Variants in FCHSD2 observed in about 807,000 individuals in gnomAD.
FCHSD2 encodes F-BAR and double SH3 domains protein 2.
Under a neutral mutation model 108.1 loss-of-function variants are expected in FCHSD2, and 38 were observed. That is an observed-to-expected ratio of 0.35 (90% CI 0.27 to 0.46). The LOEUF is 0.46. FCHSD2 is among the 20% of genes least tolerant of loss of function. The pLI is 1.00. For missense variants in FCHSD2, 751 were observed against 897.8 expected (o/e 0.84, Z 2.09); for synonymous variants, 279 against 314.7 (o/e 0.89, Z 1.20).
intron 9 of FCHSD2, among the ~76,000 whole-genome samples, chr11:72,903,392 T>A (rs913520630): frequency 3.3e-5 from 5 of 152,174 alleles, no homozygotes; most frequent in African/African-American, 9.6e-5. Flanking sequence ...AATTTTTTTG[T>A]ATTTTTTTAG....
In FCHSD2 at chr11:72,843,145, C is replaced by G. The variant is rs1297315438; in HGVS notation, c.1705+6G>C. ...CAAATAAAGAGTGCCTTGTTTCAGT[C>G]TTTACCACTGGCATCTCCGTTGAGG... On this transcript the variant is annotated splice_donor_region_variant and intron_variant, in intron 16 of 19. Transcript: ENST00000409418. The G allele has an allele frequency of 6.2e-7, 1 of 1,613,636 alleles. No homozygotes were observed. The highest frequency in any genetic ancestry group is 1.3e-5 in the African/African-American group (1 of 74,922).
At chr11:72,846,416 G>A (rs937811068) in intron 14 of FCHSD2, among the ~76,000 whole-genome samples, 3 of 151,972 alleles carry the variant, frequency 2.0e-5, no homozygotes, top group African/African-American at 4.8e-5. Context: ...TCCTGACCTC[G>A]CGATTCGCCC....
intron 2 of FCHSD2, among the ~76,000 whole-genome samples, chr11:73,100,385 T>C (rs776034221): frequency 5.3e-5 from 8 of 151,448 alleles, no homozygotes; most frequent in Non-Finnish European, 1.2e-4. Flanking sequence ...TGTTTTGAGA[T>C]GGAGTTTCAC....
chr11:72,941,015 G>T, intron 8 of FCHSD2: 1 of 736,320 alleles, frequency 1.4e-6, no homozygotes, highest in Non-Finnish European at 2.5e-6. Flanking sequence ...AAGAGCCATG[G>T]GCTTGGAAAG....
chr11:72,871,929 G>C (rs1290880839), intron 12 of FCHSD2, among the ~76,000 whole-genome samples: 1 of 151,770 alleles, frequency 6.6e-6, no homozygotes, highest in Non-Finnish European at 1.5e-5. Context: ...TTCTCTGCTT[G>C]GGGAGTTGAT....
chr11:72,899,978 T>C (rs1394978485), intron 10 of FCHSD2, among the ~76,000 whole-genome samples: 2 of 152,104 alleles, frequency 1.3e-5, no homozygotes, highest in African/African-American at 4.8e-5. Flanking sequence ...GGCTACAGTT[T>C]CCCCTTTAAT....
chr11:73,105,681 G>A (rs1044053419), intron 2 of FCHSD2, among the ~76,000 whole-genome samples: 1 of 152,032 alleles, frequency 6.6e-6, no homozygotes, highest in African/African-American at 2.4e-5. Flanking sequence ...TTATTATTAG[G>A]CTACAAATAT....
intron 3 of FCHSD2, among the ~76,000 whole-genome samples, chr11:73,026,672 A>G (rs1858236642): frequency 1.3e-5 from 2 of 152,166 alleles, no homozygotes; most frequent in Non-Finnish European, 2.9e-5. Context: ...AAGGGAAGTG[A>G]TATGGTTTGG....
intron 8 of FCHSD2, among the ~76,000 whole-genome samples, chr11:72,948,457 TTTA>T (rs1219398761): frequency 2.0e-5 from 3 of 152,208 alleles, no homozygotes; most frequent in East Asian, 3.8e-4. Flanking sequence ...ATAATAGATA[TTTA>T]TTATATCCTT....
At chr11:73,128,736 G>A (rs775155432) in intron 2 of FCHSD2, among the ~76,000 whole-genome samples, 2 of 152,212 alleles carry the variant, frequency 1.3e-5, no homozygotes, top group Non-Finnish European at 2.9e-5. Flanking sequence ...CATACAGAAA[G>A]ATGGAAGGTA....
intron 9 of FCHSD2, among the ~76,000 whole-genome samples, chr11:72,903,941 G>T (rs1280619910): frequency 6.6e-6 from 1 of 152,144 alleles, no homozygotes; most frequent in African/African-American, 2.4e-5. Flanking sequence ...GGTCCAACAT[G>T]AAACACAGGG....
intron 3 of FCHSD2, among the ~76,000 whole-genome samples, chr11:73,027,605 C>T (rs555673502): frequency 1.3e-5 from 2 of 152,356 alleles, no homozygotes; most frequent in South Asian, 4.1e-4. Context: ...GAAATTCAAG[C>T]TGGCTGCAGA....
chr11:73,035,051 T>C (rs1286092517), intron 3 of FCHSD2, among the ~76,000 whole-genome samples: 1 of 152,226 alleles, frequency 6.6e-6, no homozygotes, highest in Admixed American at 6.5e-5. Flanking sequence ...CAGCCACTAT[T>C]GGGAACAACT....
At chr11:72,973,113 A>T (rs1376936509) in intron 8 of FCHSD2, among the ~76,000 whole-genome samples, 2 of 152,198 alleles carry the variant, frequency 1.3e-5, no homozygotes, top group African/African-American at 4.8e-5. Flanking sequence ...TCATGCCTAT[A>T]ATCCCAGCAC....
chr11:72,861,667 T>C (rs942391668), intron 13 of FCHSD2, among the ~76,000 whole-genome samples: 4 of 152,136 alleles, frequency 2.6e-5, no homozygotes. Context: ...CGCTGGCTCA[T>C]GCCTGTAATC....
chr11:73,036,879 T>C (rs1462194464), intron 3 of FCHSD2, among the ~76,000 whole-genome samples: 3 of 152,218 alleles, frequency 2.0e-5, no homozygotes, highest in Admixed American at 6.5e-5. Context: ...TTCTGCTTAA[T>C]TGAAATTCAA....
chr11:73,085,489 T>C (rs1266489232), intron 2 of FCHSD2, among the ~76,000 whole-genome samples: 1 of 152,220 alleles, frequency 6.6e-6, no homozygotes, highest in Non-Finnish European at 1.5e-5. Context: ...TTTAAAGAAC[T>C]GATGCCTCTT....
chr11:72,961,634 C>A (rs79634977), intron 8 of FCHSD2, among the ~76,000 whole-genome samples: 2,166 of 152,264 alleles, frequency 0.014, 54 homozygotes, highest in African/African-American at 0.048. Flanking sequence ...TTGAAGACAG[C>A]AATTCCCTAC....
Position 73,062,930 on chromosome 11 carries a change from A to C in FCHSD2, c.165+20765T>G, listed in dbSNP as rs140695121. Among the ~76,000 whole-genome samples, 91 of 152,344 alleles carry C rather than the reference A, an allele frequency of 6.0e-4. No homozygotes were observed. The East Asian group carries it at 0.016, about 26-fold the overall frequency. On this transcript the variant is annotated intron_variant, in intron 3 of 19. Coordinates refer to ENST00000409418, the MANE Select transcript of FCHSD2 (RefSeq NM_014824.3). ...AGGCCAATATTCAAATTCAGGAAAT[A>C]CATAGAACACCACAAAGATACTCCT... is the stretch of plus-strand genomic sequence containing the variant.
Sources: gnomAD v4.1 joint callset for allele counts (sites outside exome capture counted in the v4.1 genomes callset) on GRCh38, gnomAD v4.1.1 for gene constraint, MANE v1.5 for transcripts, NCBI Gene and HGNC (gene_info 2026-07-23, HGNC 2026-07-21) for gene names.